Variants in CDH13 observed in about 807,000 individuals in gnomAD.
CDH13 encodes cadherin 13, also known as cadherin-13.
Under a neutral mutation model 63.8 loss-of-function variants are expected in CDH13, and 24 were observed. The observed-to-expected ratio is 0.38, with a 90% CI of 0.27 to 0.53. The LOEUF is 0.53. Ranked by LOEUF, CDH13 falls within the 20% of genes least tolerant of loss-of-function variation. The probability of loss-of-function intolerance (pLI) is 0.85; values close to 1 mark genes in which losing one functional copy is unlikely to be tolerated. For synonymous variants in CDH13, 503 were observed against 355.3 expected (o/e 1.42, Z -4.67); for missense variants, 1,049 against 903.1 (o/e 1.16, Z -2.07).
At chr16:83,387,371 T>C (rs1447157394) in intron 6 of CDH13, among the ~76,000 whole-genome samples, 1 of 152,136 alleles carries the variant, frequency 6.6e-6, no homozygotes, top group African/African-American at 2.4e-5. Flanking sequence ...CTTCTAGTTG[T>C]TTACTATTTT....
chr16:83,135,617 G>A (rs1189748997), intron 4 of CDH13, among the ~76,000 whole-genome samples: 1 of 152,212 alleles, frequency 6.6e-6, no homozygotes, highest in East Asian at 1.9e-4. Flanking sequence ...ACAGTGTGGA[G>A]ATTCCTGAAA....
rs532537858 is a variant in CDH13, at chr16:82,639,348, G to C, written c.45+12211G>C. The stretch of plus-strand genomic sequence containing the variant: ...TTGTGTTCTTTGTCTCCATGTCCTT[G>C]CTTTTGACCAGGGCCAAACAACCCA... On this transcript the variant is annotated intron_variant, in intron 1 of 13. Coordinates refer to ENST00000567109, the MANE Select transcript of CDH13 (RefSeq NM_001257.5). The C allele has an allele frequency of 8.9e-4, 1,362 of 1,528,092 alleles. 1 individual carries two copies. The highest frequency in any genetic ancestry group is 1.2e-3 in the Non-Finnish European group (1,316 of 1,140,386). The allele number at this position is 1,528,092 out of a possible 1,614,324, so 94.7% of individuals were successfully genotyped here.
chr16:82,845,106 G>A (rs535410712), intron 1 of CDH13, among the ~76,000 whole-genome samples: 3 of 152,288 alleles, frequency 2.0e-5, no homozygotes, highest in Admixed American at 6.5e-5. Context: ...GGAAGCAGGA[G>A]TAAGGAAGGA....
intron 8 of CDH13, among the ~76,000 whole-genome samples, chr16:83,650,952 T>C (rs912712177): frequency 2.9e-4 from 44 of 151,132 alleles, no homozygotes; most frequent in African/African-American, 1.0e-3. Flanking sequence ...AATTTAAATA[T>C]ATATATAGTG....
At chr16:83,228,631 G>A (rs1258771482) in intron 5 of CDH13, among the ~76,000 whole-genome samples, 1 of 150,434 alleles carries the variant, frequency 6.6e-6, no homozygotes, top group Non-Finnish European at 1.5e-5. Flanking sequence ...GGGCAGGAAG[G>A]GTTTTGTGAG....
intron 7 of CDH13, among the ~76,000 whole-genome samples, chr16:83,575,719 G>A (rs1039174194): frequency 3.3e-5 from 5 of 152,092 alleles, no homozygotes; most frequent in African/African-American, 4.8e-5. Context: ...TCTGAGAGAC[G>A]GTCAAGTCCT....
At chr16:82,986,768 A>T (rs1418734337) in intron 2 of CDH13, among the ~76,000 whole-genome samples, 1 of 152,238 alleles carries the variant, frequency 6.6e-6, no homozygotes, top group Non-Finnish European at 1.5e-5. Context: ...GACCATGGCA[A>T]GGTGATGAAT....
chr16:83,568,626 C>T (rs576296691), intron 7 of CDH13, among the ~76,000 whole-genome samples: 103 of 152,206 alleles, frequency 6.8e-4, no homozygotes, highest in African/African-American at 2.4e-3. Flanking sequence ...ACTAAGGGCA[C>T]CAACAATAAA....
chr16:83,438,401 A>T (rs1031166808), intron 6 of CDH13, among the ~76,000 whole-genome samples: 7 of 152,196 alleles, frequency 4.6e-5, no homozygotes, highest in African/African-American at 7.2e-5. Flanking sequence ...TTGATTTAGG[A>T]ATTGAAGTAT....
At chr16:83,245,019 A>G (rs6565165) in intron 5 of CDH13, among the ~76,000 whole-genome samples, 42,885 of 151,838 alleles carry the variant, frequency 0.28, 6,927 homozygotes, top group Non-Finnish European at 0.37. Context: ...TCCCCAAATC[A>G]TCATTCCCAA....
At chr16:83,151,212 C>A (rs1165507192) in intron 4 of CDH13, among the ~76,000 whole-genome samples, 1 of 152,170 alleles carries the variant, frequency 6.6e-6, no homozygotes, top group Non-Finnish European at 1.5e-5. Context: ...GAGAGACAGA[C>A]ACATAATTGA....
intron 5 of CDH13, among the ~76,000 whole-genome samples, chr16:83,334,254 C>G (rs997746893): frequency 6.6e-5 from 10 of 151,686 alleles, no homozygotes; most frequent in African/African-American, 1.9e-4. Flanking sequence ...CTGTCTGTCT[C>G]TCTCTCTGTT....
At chr16:83,098,781 G>T (rs975696570) in intron 3 of CDH13, among the ~76,000 whole-genome samples, 5 of 152,078 alleles carry the variant, frequency 3.3e-5, no homozygotes, top group Admixed American at 3.3e-4. Flanking sequence ...CTGCTCTCAA[G>T]AATTTATTTT....
intron 10 of CDH13, among the ~76,000 whole-genome samples, chr16:83,712,281 A>C (rs1908179359): frequency 6.6e-6 from 1 of 152,186 alleles, no homozygotes; most frequent in Admixed American, 6.5e-5. Context: ...CCTGTGGTTT[A>C]CAATAGCCGC....
intron 4 of CDH13, among the ~76,000 whole-genome samples, chr16:83,127,554 AC>A (rs1432645246): frequency 6.6e-5 from 10 of 151,888 alleles, no homozygotes; most frequent in Non-Finnish European, 1.3e-4. Context: ...ACGTGGCGAA[AC>A]CCCGTCTCAA....
intron 8 of CDH13, among the ~76,000 whole-genome samples, chr16:83,636,941 C>A (rs1175738556): frequency 6.6e-6 from 1 of 152,148 alleles, no homozygotes; most frequent in Non-Finnish European, 1.5e-5. Flanking sequence ...GACTTTTGAA[C>A]AAAAGCCATT....
intron 10 of CDH13, among the ~76,000 whole-genome samples, chr16:83,730,578 A>G (rs1272995301): frequency 5.3e-5 from 8 of 152,246 alleles, no homozygotes; most frequent in Non-Finnish European, 1.2e-4. Context: ...GTATTCTTTT[A>G]AAAAATTCAT....
rs2090605951 is a variant in CDH13 at position 83,336,706 on chromosome 16, T to C, written c.637-8156T>C. Among the ~76,000 whole-genome samples the C allele has an allele frequency of 3.9e-5, 6 of 152,348 alleles. No individual in the cohort carries two copies. In the South Asian group the frequency reaches 1.2e-3, roughly 32 times the overall value. On this transcript the variant is annotated intron_variant, in intron 5 of 13. Coordinates refer to ENST00000567109, the MANE Select transcript of CDH13 (RefSeq NM_001257.5). ...GCATATTTTGCCCAAAGAAGAATCA[T>C]CAGAGTTAAAGAGGTCATCAAACTG...
At position 83,252,176 on chromosome 16, in the gene CDH13, T is replaced by C. The variant is rs564903676; in HGVS notation, c.636+34679T>C. 6.1e-5 allele frequency among the ~76,000 whole-genome samples: 9 copies of C among 148,288 alleles called. No individual in the cohort carries two copies. In the East Asian group the frequency reaches 1.8e-3, roughly 29 times the overall value. On this transcript the variant is annotated intron_variant, in intron 5 of 13. Transcript: ENST00000567109. ...TATCTTTAAGTTACTGTGCTAGGCATGCCTGGAAGTCTCCCCACCCCTAAT... is the reference window on the plus strand; with the variant it reads ...TATCTTTAAGTTACTGTGCTAGGCACGCCTGGAAGTCTCCCCACCCCTAAT...
Sources: gnomAD v4.1 joint callset for allele counts (sites outside exome capture counted in the v4.1 genomes callset) on GRCh38, gnomAD v4.1.1 for gene constraint, MANE v1.5 for transcripts, NCBI Gene and HGNC (gene_info 2026-07-23, HGNC 2026-07-21) for gene names.